Variants in NOP53 observed in about 807,000 individuals in gnomAD.
The protein encoded by NOP53 is ribosome biogenesis protein NOP53.
NOP53 carries 40 observed loss-of-function variants against 61.0 expected under a neutral mutation model. The ratio of observed to expected loss-of-function variants is 0.66; its 90% CI spans 0.51 to 0.85. The LOEUF is 0.85. Among genes scored for constraint, NOP53 ranks in the 40% least tolerant of loss-of-function variants. The probability of loss-of-function intolerance (pLI) is 0.00; values close to 1 mark genes in which losing one functional copy is unlikely to be tolerated. For missense variants in NOP53, 689 were observed against 652.9 expected, an observed-to-expected ratio of 1.06 and a Z score of -0.60; for synonymous variants, 308 against 289.5, an observed-to-expected ratio of 1.06 and a Z score of -0.65.
intron 6 of NOP53, chr19:47,753,471 C>A (rs950053579): frequency 1.1e-4 from 16 of 152,162 alleles, no homozygotes; most frequent in African/African-American, 3.6e-4. Context: ...AAGGAACAGC[C>A]CTTCTCATGG....
At chr19:47,755,568 C>T (rs528291730) in intron 9 of NOP53, 45 bp downstream of exon 9, 49 of 1,451,704 alleles carry the variant, frequency 3.4e-5, no homozygotes, top group Middle Eastern at 5.1e-4. Context: ...GGGAGGGGGC[C>T]GGGTCCCAGG....
Position 47,754,875 on chromosome 19 carries a change from A to C in NOP53, c.1037A>C (p.Lys346Thr). Residue 346 changes from lysine (K) to threonine (T), a missense_variant, in exon 8 of 13, where the codon AAG (lysine) becomes ACG (threonine). Coordinates refer to ENST00000246802, the MANE Select transcript of NOP53 (RefSeq NM_015710.5). The surrounding 1 kb of genome is among the most constrained non-coding windows in gnomAD (Gnocchi z 4.2). ...KKTEQQRRRE[K>T]AVHRLRVQQA... Reference sequence around the variant, plus strand: ...ACGGAGCAGCAGCGGCGGCGGGAGAAGGCTGTGCACAGGCTGGTGAGCGCC... The same window carrying C: ...ACGGAGCAGCAGCGGCGGCGGGAGACGGCTGTGCACAGGCTGGTGAGCGCC... The C allele has an allele frequency of 6.6e-7, 1 of 1,520,218 alleles. No individual in the cohort carries two copies. Among genetic ancestry groups the C allele is most frequent in the Non-Finnish European group, 8.7e-7 (1 of 1,144,084 alleles). 94.2% of individuals were successfully genotyped at this position (1,520,218 alleles called of 1,614,324 possible).
intron 9 of NOP53, 37 bp downstream of exon 9, chr19:47,755,560 GA>G: frequency 6.9e-7 from 1 of 1,457,462 alleles, no homozygotes; most frequent in Non-Finnish European, 9.1e-7. Context: ...AGAGGCTGGG[GA>G]GGGGGCCGGG....
rs1341241705 is a variant in NOP53, at chr19:47,752,492, C to T, written c.670-20C>T. 1 of 1,520,506 alleles carries T rather than the reference C, an allele frequency of 6.6e-7. No homozygotes were observed. Among genetic ancestry groups the T allele is most frequent in the East Asian group, 2.2e-5 (1 of 44,454 alleles). The allele number at this position is 1,520,506 out of a possible 1,614,324, so 94.2% of individuals were successfully genotyped here. A position where few individuals can be genotyped will look rare whatever the true frequency, so the allele number is the denominator to read the frequency against. On this transcript the variant is annotated intron_variant, in intron 5 of 12. Coordinates refer to ENST00000246802, the MANE Select transcript of NOP53 (RefSeq NM_015710.5). ...AGCCCCAACGCACGGCCTTACCCTG[C>T]CTCGGCCTTTTCTCCACAGCGGCCA...
At chr19:47,751,632 AGGAG>A in intron 5 of NOP53, 42 bp downstream of exon 5, 1 of 1,481,362 alleles carries the variant, frequency 6.8e-7, no homozygotes, top group Non-Finnish European at 9.4e-7. Flanking sequence ...TGGGAGGGTG[AGGAG>A]GGCCGGGAGC....
At chr19:47,751,327 G>A (rs1316869537) in intron 4 of NOP53, 193 bp from the exon 5 acceptor site, 3 of 644,122 alleles carry the variant, frequency 4.7e-6, no homozygotes, top group Non-Finnish European at 8.1e-6. Flanking sequence ...TTCAGCTTTG[G>A]TCTCTTCCAC....
chr19:47,755,672 C>A, intron 9 of NOP53, 84 bp from the exon 10 acceptor site: 1 of 1,395,684 alleles, frequency 7.2e-7, no homozygotes, highest in Middle Eastern at 2.5e-4. Flanking sequence ...CTCAGAGGCC[C>A]CTTCTTCTCC....
At position 47,750,260 on chromosome 19, in the gene NOP53, C is replaced by G; in HGVS notation, c.372C>G (p.Asn124Lys). The change falls in exon 3 of 13, where the codon AAC becomes AAG. Residue 124 changes from asparagine (N) to lysine (K), a missense_variant. Coordinates refer to ENST00000246802, the MANE Select transcript of NOP53 (RefSeq NM_015710.5). ...TTCGGGTTGACCTCATCCTCGAGAA[C>G]ACATCCAAAGTCCCTGCCCCCAAAG... The part of the protein sequence containing the change: ...KPLRVDLILE[N>K]TSKVPAPKDV... 6.2e-7 allele frequency: 1 copy of G among 1,607,682 alleles called. No homozygotes were observed. The highest frequency in any genetic ancestry group is 1.1e-5 in the South Asian group (1 of 90,980).
intron 2 of NOP53, among the ~76,000 whole-genome samples, chr19:47,749,177 G>T (rs912945017): frequency 4.6e-5 from 7 of 152,052 alleles, no homozygotes; most frequent in African/African-American, 1.7e-4. Flanking sequence ...AAAAAAAAGT[G>T]GGGGGTTATT....
chr19:47,752,893 A>G, intron 6 of NOP53: 1 of 407,670 alleles, frequency 2.5e-6, no homozygotes, highest in Non-Finnish European at 4.5e-6. Flanking sequence ...AGGGGTTTGC[A>G]GTGGGAGGAG....
chr19:47,756,133 C>A, intron 10 of NOP53: 1 of 516,740 alleles, frequency 1.9e-6, no homozygotes, highest in Non-Finnish European at 3.5e-6. Flanking sequence ...TGCTCGGAAC[C>A]TGCTGTGGCT....
intron 1 of NOP53, chr19:47,745,989 CAGAT>C (rs1384866972): frequency 2.9e-5 from 15 of 519,388 alleles, no homozygotes; most frequent in Admixed American, 7.5e-5. Flanking sequence ...CCAGATTTAG[CAGAT>C]AAATATACAG....
chr19:47,750,410 C>T (rs3786780), intron 3 of NOP53, 124 bp downstream of exon 3: 7 of 662,182 alleles, frequency 1.1e-5, no homozygotes, highest in South Asian at 3.4e-5. Flanking sequence ...GTTTGGGCTT[C>T]GGAGTGCAGA....
chr19:47,756,369 CTG>C, intron 10 of NOP53, 157 bp from the exon 11 acceptor site: 1 of 613,762 alleles, frequency 1.6e-6, no homozygotes, highest in East Asian at 2.7e-5. Context: ...CATCCCAACA[CTG>C]AGCCCCAGCA....
Position 47,755,842 on chromosome 19 carries a change from G to T in NOP53, c.1296+20G>T, listed in dbSNP as rs778507541. ...CTGAAGGTGCTCACTGTGTCCTGCC[G>T]TGGAGCCCCGTGCCCAGTGATGACA... On this transcript the variant is annotated intron_variant, in intron 10 of 12. Coordinates refer to ENST00000246802, the MANE Select transcript of NOP53 (RefSeq NM_015710.5). 1.3e-6 allele frequency: 2 copies of T among 1,586,676 alleles called. No homozygotes were observed. The highest frequency in any genetic ancestry group is 1.7e-5 in the Admixed American group (1 of 58,622).
At position 47,745,693 on chromosome 19, in the gene NOP53, A is replaced by C. The variant is rs749510337; in HGVS notation, c.134A>C (p.Lys45Thr). ...CGGCGGCGAGGCCCAAGAAATAAGAAGCGGGGCTGGCGGCGGCTTGCTCAG... is the reference window on the plus strand; with the variant it reads ...CGGCGGCGAGGCCCAAGAAATAAGACGCGGGGCTGGCGGCGGCTTGCTCAG... ...RRRRRGPRNK[K>T]RGWRRLAQEP... Residue 45 changes from lysine to threonine, a missense_variant, in exon 1 of 13, where the codon AAG becomes ACG. Lys to Thr is a moderately conservative substitution (Grantham distance 78, BLOSUM62 -1). Transcript: ENST00000246802. The C allele has an allele frequency of 2.5e-6, 4 of 1,612,680 alleles. No homozygotes were observed. The South Asian group carries it at 3.3e-5, about 13-fold the overall frequency.
rs73571523 is a variant in NOP53, at chr19:47,754,434, G to A, written c.766-93G>A. 4,466 of 987,622 alleles carry A rather than the reference G, an allele frequency of 4.5e-3. 141 individuals are homozygous for A. The African/African-American group carries it at 0.062, about 14-fold the overall frequency. 61.2% of individuals were successfully genotyped at this position (987,622 alleles called of 1,614,324 possible). A position where few individuals can be genotyped will look rare whatever the true frequency, so the allele number is the denominator to read the frequency against. ...AAGCCTGGGCCGGGGCGGGATCCACGGGCACTGGATGAGGGACAGATGGGA... is the reference window on the plus strand; with the variant it reads ...AAGCCTGGGCCGGGGCGGGATCCACAGGCACTGGATGAGGGACAGATGGGA... On this transcript the variant is annotated intron_variant, in intron 6 of 12. Transcript: ENST00000246802. This position sits in a 1 kb window ranked among gnomAD's most constrained non-coding sequence, Gnocchi z 4.2.
rs34462252 is a variant in NOP53, at chr19:47,751,077, C to T, written c.568C>T (p.Arg190Trp). 2,177 of 1,608,656 alleles carry T rather than the reference C, an allele frequency of 1.4e-3. 14 individuals carry two copies. The highest frequency in any genetic ancestry group is 0.011 in the Middle Eastern group (66 of 6,046). ...AKPGPQDTVE[R>W]PFYDLWASDN... ...GCCCGGGCCCCAGGACACCGTAGAG[C>T]GGCCCTTCTACGACCTCTGGGCCTC... The change falls in exon 4 of 13, where the codon CGG (arginine) becomes TGG (tryptophan). Residue 190 changes from arginine (R) to tryptophan (W), a missense_variant. By Grantham distance (101) the Arg-to-Trp change is moderately radical. Transcript: ENST00000246802.
intron 9 of NOP53, 38 bp downstream of exon 9, chr19:47,755,561 A>AG: frequency 6.9e-7 from 1 of 1,455,980 alleles, no homozygotes; most frequent in South Asian, 1.4e-5. Context: ...GAGGCTGGGG[A>AG]GGGGGCCGGG....
Sources: allele counts gnomAD v4.1 joint callset (sites outside exome capture counted in the v4.1 genomes callset), GRCh38; gene constraint gnomAD v4.1.1; non-coding constraint Gnocchi (gnomAD v3.1); transcripts MANE v1.5; gene names NCBI Gene and HGNC (gene_info 2026-07-23, HGNC 2026-07-21).